The following CBLB variants were observed in gnomAD, a reference collection of about 807,000 sequenced individuals.
CBLB encodes the protein E3 ubiquitin-protein ligase CBL-B.
Under a neutral mutation model 104.9 loss-of-function variants are expected in CBLB, and 31 were observed. That is an observed-to-expected ratio of 0.30 (90% CI 0.22 to 0.40). CBLB has a LOEUF of 0.40. Among genes scored for constraint, CBLB ranks in the 10% least tolerant of loss-of-function variants. The probability of loss-of-function intolerance (pLI) is 1.00; values close to 1 mark genes in which losing one functional copy is unlikely to be tolerated. For missense variants in CBLB, 1,062 were observed against 1,214.6 expected, an observed-to-expected ratio of 0.87 and a Z score of 1.87; for synonymous variants, 440 against 422.6, an observed-to-expected ratio of 1.04 and a Z score of -0.51.
intron 3 of CBLB, among the ~76,000 whole-genome samples, chr3:105,823,776 C>T (rs1439924348): frequency 6.6e-6 from 1 of 152,052 alleles, no homozygotes; most frequent in Non-Finnish European, 1.5e-5. Flanking sequence ...TTGTGTTGAG[C>T]TCTTACTCGC....
In CBLB at chr3:105,740,694, T is replaced by C. The variant is rs528870013; in HGVS notation, c.846-63A>G. The C allele has an allele frequency of 9.9e-6, 14 of 1,409,984 alleles. No individual in the cohort carries two copies. In the South Asian group the frequency reaches 1.6e-4, roughly 17 times the overall value. 87.3% of individuals were successfully genotyped at this position (1,409,984 alleles called of 1,614,324 possible). A position where few individuals can be genotyped will look rare whatever the true frequency, so the allele number is the denominator to read the frequency against. ...GAATATAAATCAATACTAAACAATT[T>C]GTTAGGTTTCTTCCAAGCAAAAGAA... On this transcript the variant is annotated intron_variant, in intron 6 of 18. Coordinates refer to ENST00000394030, the MANE Select transcript of CBLB (RefSeq NM_170662.5).
chr3:105,711,526 G>A (rs1198558099), intron 10 of CBLB, among the ~76,000 whole-genome samples: 1 of 151,018 alleles, frequency 6.6e-6, no homozygotes, highest in African/African-American at 2.4e-5. Context: ...TATTCATATG[G>A]CATTATAGCT....
intron 7 of CBLB, among the ~76,000 whole-genome samples, chr3:105,738,114 G>A (rs2152871589): frequency 6.6e-6 from 1 of 152,162 alleles, no homozygotes; most frequent in Non-Finnish European, 1.5e-5. Flanking sequence ...TTAAATTATG[G>A]TTAGTTCTGT....
chr3:105,731,741 C>T (rs554458623), intron 9 of CBLB, among the ~76,000 whole-genome samples: 6 of 152,240 alleles, frequency 3.9e-5, no homozygotes, highest in Non-Finnish European at 8.8e-5. Context: ...AGGTGTGAGC[C>T]GCCATGCCTG....
At chr3:105,808,262 AAG>A (rs2083784664) in intron 3 of CBLB, among the ~76,000 whole-genome samples, 1 of 152,200 alleles carries the variant, frequency 6.6e-6, no homozygotes, top group South Asian at 2.1e-4. Context: ...AACTTTAAAG[AAG>A]AAAATTTATT....
intron 11 of CBLB, 49 bp downstream of exon 11, chr3:105,703,939 T>C (rs748565881): frequency 2.6e-6 from 4 of 1,532,846 alleles, no homozygotes; most frequent in Middle Eastern, 1.7e-4. Context: ...GAGCAATCAA[T>C]AATTGTCTTA....
At chr3:105,848,328 C>T (rs1281749892) in intron 3 of CBLB, among the ~76,000 whole-genome samples, 3 of 152,096 alleles carry the variant, frequency 2.0e-5, no homozygotes, top group Non-Finnish European at 4.4e-5. Context: ...AAGACTTTCA[C>T]TGTGCCCTAA....
At chr3:105,783,845 G>T (rs554575359) in intron 3 of CBLB, among the ~76,000 whole-genome samples, 8 of 152,216 alleles carry the variant, frequency 5.3e-5, no homozygotes, top group African/African-American at 1.7e-4. Context: ...GGTTGAATGG[G>T]GTCATTCACA....
intron 3 of CBLB, among the ~76,000 whole-genome samples, chr3:105,831,553 C>T (rs2087524730): frequency 6.6e-6 from 1 of 152,226 alleles, no homozygotes; most frequent in Non-Finnish European, 1.5e-5. Context: ...CAAGTTCTAG[C>T]ACTTGATTAT....
At chr3:105,711,221 T>G (rs2071018405) in intron 10 of CBLB, among the ~76,000 whole-genome samples, 1 of 152,022 alleles carries the variant, frequency 6.6e-6, no homozygotes, top group Non-Finnish European at 1.5e-5. Context: ...ACAAGATTTT[T>G]ACTTAATGAA....
At chr3:105,674,520 G>C (rs2065395422) in intron 17 of CBLB, among the ~76,000 whole-genome samples, 1 of 152,164 alleles carries the variant, frequency 6.6e-6, no homozygotes. Context: ...GTAGCATAAA[G>C]ACTGACAAAA....
intron 18 of CBLB, among the ~76,000 whole-genome samples, chr3:105,667,778 T>C (rs767523344): frequency 2.6e-4 from 40 of 152,304 alleles, no homozygotes; most frequent in Non-Finnish European, 4.9e-4. Flanking sequence ...TAAATGACTA[T>C]CAATTATTTA....
intron 10 of CBLB, among the ~76,000 whole-genome samples, chr3:105,717,392 A>G (rs952936071): frequency 6.6e-6 from 1 of 152,176 alleles, no homozygotes; most frequent in Non-Finnish European, 1.5e-5. Flanking sequence ...TTAAATGCTT[A>G]CTATGTCCTA....
At position 105,693,516 on chromosome 3, in the gene CBLB, T is replaced by C; in HGVS notation, c.2032A>G (p.Thr678Ala). Residue 678 changes from threonine to alanine, a missense_variant, in exon 13 of 19, where the codon ACC (threonine) becomes GCC (alanine). This residue lies in a region of CBLB where 605 missense variants were observed against 582.6 expected (regional missense o/e 1.04). Transcript: ENST00000394030. ...PPRLSPPPPV[T>A]TLLPSIKCTG... ...CACTTTATGCTAGGGAGGAGGGTGG[T>C]AACTGGAGGAGGAGGAGAAAGCCGG... 1 of 1,611,248 alleles carries C rather than the reference T, an allele frequency of 6.2e-7. No individual in the cohort carries two copies. Among genetic ancestry groups the C allele is most frequent in the Non-Finnish European group, 8.5e-7 (1 of 1,177,776 alleles).
At chr3:105,767,844 A>C (rs1232180629) in intron 4 of CBLB, among the ~76,000 whole-genome samples, 1 of 152,300 alleles carries the variant, frequency 6.6e-6, no homozygotes, top group South Asian at 2.1e-4. Flanking sequence ...AAAACCAACT[A>C]GATTCCCCAA....
intron 3 of CBLB, among the ~76,000 whole-genome samples, chr3:105,835,612 T>C (rs780724851): frequency 2.0e-5 from 3 of 152,374 alleles, no homozygotes; most frequent in Middle Eastern, 3.4e-3. Context: ...GATTAACTAA[T>C]TGCAGTGGAT....
At chr3:105,675,138 C>T (rs2065459641) in intron 17 of CBLB, among the ~76,000 whole-genome samples, 1 of 152,166 alleles carries the variant, frequency 6.6e-6, no homozygotes, top group South Asian at 2.1e-4. Flanking sequence ...AGACACCTAT[C>T]ATTTGTCTTT....
At chr3:105,831,719 T>C (rs2087557173) in intron 3 of CBLB, among the ~76,000 whole-genome samples, 1 of 152,248 alleles carries the variant, frequency 6.6e-6, no homozygotes, top group South Asian at 2.1e-4. Context: ...AAGGAGGTGA[T>C]ATTTATGCTT....
intron 9 of CBLB, among the ~76,000 whole-genome samples, chr3:105,730,196 A>G (rs943245170): frequency 2.0e-5 from 3 of 152,042 alleles, no homozygotes; most frequent in Non-Finnish European, 4.4e-5. Context: ...TAGTGCTGGT[A>G]GTACTGCATA....
Sources: gnomAD v4.1 joint callset for allele counts (sites outside exome capture counted in the v4.1 genomes callset) on GRCh38, gnomAD v4.1.1 for gene constraint, gnomAD v4.1.1 regional missense constraint, MANE v1.5 for transcripts, NCBI Gene and HGNC (gene_info 2026-07-23, HGNC 2026-07-21) for gene names.